XKR9: variants seen among roughly 807,000 people sequenced by gnomAD.
XKR9 encodes the protein XK related 9.
In XKR9, 32 loss-of-function variants were observed where a neutral mutation model predicts 32.0. The ratio of observed to expected loss-of-function variants is 1.00; its 90% CI spans 0.76 to 1.34. XKR9 has a LOEUF of 1.34. Among genes scored for constraint, XKR9 ranks in the 40% most tolerant of loss-of-function variants. The pLI, the probability that XKR9 is intolerant of heterozygous loss-of-function variation, is 0.00. For synonymous variants in XKR9, 168 were observed against 143.4 expected, an observed-to-expected ratio of 1.17 and a Z score of -1.22; for missense variants, 546 against 429.7, an observed-to-expected ratio of 1.27 and a Z score of -2.39.
chr8:70,823,330 C>G, the XKR9 span, among the ~76,000 whole-genome samples: 3 of 152,190 alleles, frequency 2.0e-5, no homozygotes, highest in East Asian at 1.9e-4. Context: ...AGCTATGGCT[C>G]TGATCACTGC....
At chr8:70,824,012 A>G in the XKR9 span, among the ~76,000 whole-genome samples, 1 of 152,176 alleles carries the variant, frequency 6.6e-6, no homozygotes, top group Non-Finnish European at 1.5e-5. Context: ...TCACTGGACT[A>G]TATTACCAAA....
chr8:70,783,811 G>C (rs142426533), intron 2 of XKR9, among the ~76,000 whole-genome samples: 97 of 152,086 alleles, frequency 6.4e-4, no homozygotes, highest in African/African-American at 2.2e-3. Context: ...TTTCTCCTAT[G>C]TTTTCTTCTA....
At chr8:71,061,255 C>A in the XKR9 span, among the ~76,000 whole-genome samples, 118 of 152,132 alleles carry the variant, frequency 7.8e-4, no homozygotes, top group African/African-American at 2.6e-3. Context: ...CTTGAGGGCT[C>A]TCCATCTTTA....
chr8:71,050,292 GAT>G, the XKR9 span, among the ~76,000 whole-genome samples: 7 of 71,968 alleles, frequency 9.7e-5, no homozygotes, highest in African/African-American at 3.8e-4. Flanking sequence ...TATAGATATA[GAT>G]ATATATATAG....
chr8:70,893,767 G>A, the XKR9 span, among the ~76,000 whole-genome samples: 1 of 152,152 alleles, frequency 6.6e-6, no homozygotes, highest in South Asian at 2.1e-4. Context: ...CTTAGCCAAG[G>A]GGATCCATCT....
chr8:70,796,257 CTT>C, the XKR9 span, among the ~76,000 whole-genome samples: 1 of 152,076 alleles, frequency 6.6e-6, no homozygotes, highest in South Asian at 2.1e-4. Context: ...ATTCCCTTCT[CTT>C]TGTTCATATG....
Position 70,783,544 on chromosome 8 carries a change from GT to G in XKR9, n.353-5789del, listed in dbSNP as rs919946085. Among the ~76,000 whole-genome samples the G allele has an allele frequency of 2.6e-5, 4 of 152,118 alleles. No individual in the cohort carries two copies. The East Asian group carries it at 7.7e-4, about 29-fold the overall frequency. On this transcript the variant is annotated intron_variant and non_coding_transcript_variant, in intron 2 of 3. Coordinates refer to the XKR9 transcript ENST00000520273. ...GGCCCCATGCCCATTTTTTAACTGA[GT>G]TTTTTGTTTTTTTGCTGAGTTTTAA...
the XKR9 span, among the ~76,000 whole-genome samples, chr8:70,996,841 T>C: frequency 6.6e-6 from 1 of 152,176 alleles, no homozygotes; most frequent in Non-Finnish European, 1.5e-5. Context: ...TTTCCAGAGC[T>C]ATCCTCCCTA....
chr8:70,958,496 G>A, the XKR9 span, among the ~76,000 whole-genome samples: 7 of 152,190 alleles, frequency 4.6e-5, no homozygotes, highest in African/African-American at 1.7e-4. Context: ...CTGCATGTAT[G>A]TCTTCTTTTG....
chr8:70,855,232 A>ATTCC, the XKR9 span, among the ~76,000 whole-genome samples: 1 of 152,118 alleles, frequency 6.6e-6, no homozygotes, highest in African/African-American at 2.4e-5. Context: ...AACCTCAAAA[A>ATTCC]AAAATTAGAC....
chr8:70,753,586 C>T (rs1302529177), intron 2 of XKR9, among the ~76,000 whole-genome samples: 1 of 151,930 alleles, frequency 6.6e-6, no homozygotes, highest in Non-Finnish European at 1.5e-5. Flanking sequence ...TGGGCTTCAT[C>T]CCTGGGATGC....
chr8:70,685,497 A>G (rs1283297494), intron 3 of XKR9, among the ~76,000 whole-genome samples: 1 of 148,314 alleles, frequency 6.7e-6, no homozygotes, highest in Non-Finnish European at 1.5e-5. Flanking sequence ...AAGTATAATA[A>G]TAATAATAAT....
the XKR9 span, among the ~76,000 whole-genome samples, chr8:70,883,374 G>T: frequency 6.6e-6 from 1 of 151,824 alleles, no homozygotes; most frequent in South Asian, 2.1e-4. Context: ...TAATCTACTT[G>T]TTGGTCAATA....
At chr8:70,803,225 G>A in the XKR9 span, among the ~76,000 whole-genome samples, 22 of 151,956 alleles carry the variant, frequency 1.4e-4, no homozygotes, top group African/African-American at 5.3e-4. Context: ...CCTCAATTTG[G>A]TCATTTCTGC....
the XKR9 span, among the ~76,000 whole-genome samples, chr8:70,879,121 C>A: frequency 6.6e-6 from 1 of 152,084 alleles, no homozygotes; most frequent in African/African-American, 2.4e-5. Flanking sequence ...AACAAAGACA[C>A]AACATACCAG....
chr8:70,730,197 C>G (rs1806616673), intron 4 of XKR9, among the ~76,000 whole-genome samples: 1 of 152,122 alleles, frequency 6.6e-6, no homozygotes, highest in Admixed American at 6.5e-5. Flanking sequence ...GCAAAAAAAC[C>G]CCTTTCATTA....
chr8:70,719,598 TG>T (rs1806207410), intron 4 of XKR9, among the ~76,000 whole-genome samples: 1 of 152,084 alleles, frequency 6.6e-6, no homozygotes, highest in Non-Finnish European at 1.5e-5. Flanking sequence ...AAAGATCAGA[TG>T]GTTGTAGACC....
At chr8:70,907,865 A>G in the XKR9 span, among the ~76,000 whole-genome samples, 2 of 152,374 alleles carry the variant, frequency 1.3e-5, no homozygotes, top group East Asian at 3.9e-4. Context: ...TATTTGAATT[A>G]GTTTAAATGC....
intron 2 of XKR9, among the ~76,000 whole-genome samples, chr8:70,759,089 C>T (rs1807269539): frequency 6.6e-6 from 1 of 152,148 alleles, no homozygotes; most frequent in Non-Finnish European, 1.5e-5. Flanking sequence ...CTGGTTAGTG[C>T]CCGGACTATA....
Sources: gnomAD v4.1 joint callset for allele counts (sites outside exome capture counted in the v4.1 genomes callset) on GRCh38, gnomAD v4.1.1 for gene constraint, MANE v1.5 for transcripts, NCBI Gene and HGNC (gene_info 2026-07-23, HGNC 2026-07-21) for gene names.